Variants in GABRG3 observed in about 807,000 individuals in gnomAD.
GABRG3 encodes the protein gamma-aminobutyric acid receptor subunit gamma-3.
GABRG3 carries 25 observed loss-of-function variants against 48.8 expected under a neutral mutation model. The ratio of observed to expected loss-of-function variants is 0.51; its 90% CI spans 0.37 to 0.72. GABRG3 has a LOEUF of 0.72. GABRG3 is among the 30% of genes least tolerant of loss of function. GABRG3 has a pLI of 0.00. For synonymous variants in GABRG3, 227 were observed against 217.6 expected (o/e 1.04, Z -0.38); for missense variants, 394 against 577.9 (o/e 0.68, Z 3.26).
chr15:27,338,220 G>A (rs931777162), intron 5 of GABRG3, among the ~76,000 whole-genome samples: 5 of 152,206 alleles, frequency 3.3e-5, no homozygotes, highest in Admixed American at 1.3e-4. Context: ...ACACATGTCC[G>A]CATCACCTGC....
At chr15:27,074,164 C>T (rs1311600472) in intron 3 of GABRG3, among the ~76,000 whole-genome samples, 1 of 152,080 alleles carries the variant, frequency 6.6e-6, no homozygotes, top group Non-Finnish European at 1.5e-5. Context: ...AAACCGCCCC[C>T]ATGGTTCAAT....
At chr15:27,034,451 T>G (rs1012423744) in intron 3 of GABRG3, among the ~76,000 whole-genome samples, 1 of 152,188 alleles carries the variant, frequency 6.6e-6, no homozygotes, top group African/African-American at 2.4e-5. Context: ...TCAAGATTTG[T>G]TTCATCACTG....
chr15:27,441,921 T>C (rs1223309121), intron 5 of GABRG3, among the ~76,000 whole-genome samples: 2 of 152,232 alleles, frequency 1.3e-5, no homozygotes, highest in Non-Finnish European at 2.9e-5. Flanking sequence ...CAGCTGTGAA[T>C]GTTGGAGAGC....
intron 3 of GABRG3, among the ~76,000 whole-genome samples, chr15:27,156,976 G>A (rs1229371270): frequency 6.6e-6 from 1 of 152,174 alleles, no homozygotes; most frequent in Non-Finnish European, 1.5e-5. Flanking sequence ...TGTGTAGAAT[G>A]ACATTATTTT....
At position 27,444,729 on chromosome 15, in the gene GABRG3, T is replaced by C. The variant is rs143553632; in HGVS notation, c.575-35921T>C. ...CCTTTATTCTCTTCCTACTTTCTTT[T>C]GAATAGATTATATTTCGTCAGTTTA... On this transcript the variant is annotated intron_variant, in intron 5 of 9. Transcript: ENST00000615808. Among the ~76,000 whole-genome samples the C allele has an allele frequency of 7.7e-4, 117 of 152,340 alleles. 1 individual carries two copies. The East Asian group carries it at 0.022, about 28-fold the overall frequency.
At position 27,265,881 on chromosome 15, in the gene GABRG3, G is replaced by GTTTTTTTTTT. The variant is rs147459440; in HGVS notation, c.271-60928_271-60927insTTTTTTTTTT. Among the ~76,000 whole-genome samples, 11 of 124,818 alleles carry GTTTTTTTTTT rather than the reference G, an allele frequency of 8.8e-5. 2 individuals are homozygous for GTTTTTTTTTT. The highest frequency in any genetic ancestry group is 2.2e-4 in the East Asian group (1 of 4,594). The allele number at this position is 124,818 out of a possible 152,430, so 81.9% of individuals were successfully genotyped here. On this transcript the variant is annotated intron_variant, in intron 3 of 9. Coordinates refer to ENST00000615808, the MANE Select transcript of GABRG3 (RefSeq NM_033223.5). ...TGCAAGGTCAAGAAGATTTTCTCCT[G>GTTTTTTTTTT]GTTTTTTTTTTTTTTTGAGAGTGAC...
chr15:27,047,740 A>G (rs1162112074), intron 3 of GABRG3, among the ~76,000 whole-genome samples: 2 of 152,188 alleles, frequency 1.3e-5, no homozygotes, highest in Non-Finnish European at 2.9e-5. Context: ...TGTCTTTGCT[A>G]TTGGGCTGCT....
rs776790241 is a variant in GABRG3, at chr15:27,457,015, G to A, written c.575-23635G>A. Among the ~76,000 whole-genome samples the A allele has an allele frequency of 4.6e-5, 7 of 152,202 alleles. No homozygotes were observed. Among genetic ancestry groups the A allele is most frequent in the East Asian group, 1.9e-4 (1 of 5,168 alleles). ...TTTCCCGAGCTCCACCTACCACGCC[G>A]ACCTCAGAAGGACCTGTGACAGCAG... On this transcript the variant is annotated intron_variant, in intron 5 of 9. Coordinates refer to ENST00000615808, the MANE Select transcript of GABRG3 (RefSeq NM_033223.5). This position sits in a 1 kb window ranked among gnomAD's most constrained non-coding sequence, Gnocchi z 4.4.
intron 3 of GABRG3, among the ~76,000 whole-genome samples, chr15:27,307,033 TATAAA>T (rs1205747732): frequency 6.2e-5 from 5 of 80,772 alleles, no homozygotes; most frequent in Admixed American, 1.2e-4. Flanking sequence ...TATAAACATG[TATAAA>T]ATAAACATGT....
At chr15:27,205,557 A>G (rs1292038604) in intron 3 of GABRG3, among the ~76,000 whole-genome samples, 2 of 152,132 alleles carry the variant, frequency 1.3e-5, no homozygotes, top group African/African-American at 4.8e-5. Context: ...TTTTGGTATC[A>G]GAATGATGCT....
intron 2 of GABRG3, among the ~76,000 whole-genome samples, chr15:27,022,693 C>T (rs929880023): frequency 4.6e-5 from 7 of 152,206 alleles, no homozygotes; most frequent in Non-Finnish European, 8.8e-5. Flanking sequence ...GGTGCATCCA[C>T]AGACAGACCC....
At chr15:27,020,658 C>T (rs567820166) in intron 2 of GABRG3, among the ~76,000 whole-genome samples, 155 of 152,156 alleles carry the variant, frequency 1.0e-3, no homozygotes, top group Non-Finnish European at 1.6e-3. Context: ...ACCTCGTGAT[C>T]CGCCCCCCTC....
chr15:27,462,054 C>T (rs1360790051), intron 5 of GABRG3, among the ~76,000 whole-genome samples: 2 of 152,170 alleles, frequency 1.3e-5, no homozygotes, highest in African/African-American at 4.8e-5. Context: ...CTCATCTGCC[C>T]TTGCTCAGTT....
At chr15:27,422,040 G>T (rs1888134593) in intron 5 of GABRG3, among the ~76,000 whole-genome samples, 1 of 151,084 alleles carries the variant, frequency 6.6e-6, no homozygotes, top group South Asian at 2.1e-4. Context: ...CCAATACTGG[G>T]TGTTCTAAGA....
At chr15:27,448,190 T>C (rs1889000353) in intron 5 of GABRG3, among the ~76,000 whole-genome samples, 1 of 152,090 alleles carries the variant, frequency 6.6e-6, no homozygotes, top group Admixed American at 6.5e-5. Flanking sequence ...AAAACTGTAA[T>C]ATATTTACCC....
At chr15:27,018,777 CAG>C in intron 2 of GABRG3, among the ~76,000 whole-genome samples, 1 of 152,114 alleles carries the variant, frequency 6.6e-6, no homozygotes, top group Non-Finnish European at 1.5e-5. Context: ...TGCATGGACT[CAG>C]AGTATTGGCA....
chr15:27,382,258 T>C (rs569752530), intron 5 of GABRG3, among the ~76,000 whole-genome samples: 44 of 152,184 alleles, frequency 2.9e-4, no homozygotes, highest in African/African-American at 9.2e-4. Flanking sequence ...ATATTCTAGG[T>C]TAGATAAAAG....
chr15:27,246,845 G>A (rs1890285422), intron 3 of GABRG3, among the ~76,000 whole-genome samples: 1 of 152,206 alleles, frequency 6.6e-6, no homozygotes, highest in African/African-American at 2.4e-5. Context: ...CAAAAACAGT[G>A]TGACCTGAAT....
chr15:27,170,569 A>G (rs1205348214), intron 3 of GABRG3, among the ~76,000 whole-genome samples: 3 of 152,220 alleles, frequency 2.0e-5, no homozygotes, highest in Admixed American at 2.0e-4. Context: ...AACAAAGAGA[A>G]GAAAAAGCAG....
Sources: allele counts gnomAD v4.1 joint callset (sites outside exome capture counted in the v4.1 genomes callset), GRCh38; gene constraint gnomAD v4.1.1; non-coding constraint Gnocchi (gnomAD v3.1); transcripts MANE v1.5; gene names NCBI Gene and HGNC (gene_info 2026-07-23, HGNC 2026-07-21).